NLGN1: variants seen among roughly 807,000 people sequenced by gnomAD.
NLGN1 encodes neuroligin 1, also known as neuroligin-1.
Under a neutral mutation model 65.5 loss-of-function variants are expected in NLGN1, and 12 were observed. The ratio of observed to expected loss-of-function variants is 0.18; its 90% confidence interval spans 0.12 to 0.30. The LOEUF (loss-of-function observed/expected upper bound fraction) is 0.30, where lower values mean the gene tolerates loss of function less well. Ranked by LOEUF, NLGN1 falls within the 10% of genes least tolerant of loss-of-function variation. The probability of loss-of-function intolerance (pLI) is 1.00; values close to 1 mark genes in which losing one functional copy is unlikely to be tolerated. For missense variants in NLGN1, 750 were observed against 1,007.1 expected, an observed-to-expected ratio of 0.74 and a Z score of 3.46; for synonymous variants, 350 against 359.5, an observed-to-expected ratio of 0.97 and a Z score of 0.30.
At chr3:173,875,128 T>G (rs1246790855) in intron 4 of NLGN1, among the ~76,000 whole-genome samples, 1 of 152,224 alleles carries the variant, frequency 6.6e-6, no homozygotes, top group Non-Finnish European at 1.5e-5. Flanking sequence ...TCACTTCCTG[T>G]CAGACTTTGC....
chr3:173,548,770 T>A (rs1041050128), intron 2 of NLGN1, among the ~76,000 whole-genome samples: 1 of 151,874 alleles, frequency 6.6e-6, no homozygotes, highest in Non-Finnish European at 1.5e-5. Context: ...TATATATTTA[T>A]ATATATGAAA....
In NLGN1 at chr3:174,115,627, G is replaced by A. The variant is rs536295965; in HGVS notation, c.647-159688G>A. Among the ~76,000 whole-genome samples, 5 of 152,260 alleles carry A rather than the reference G, an allele frequency of 3.3e-5. No homozygotes were observed. In the South Asian group the frequency reaches 1.0e-3, roughly 32 times the overall value. ...ACCCAGAAATAAAAGGTACAAATGA[G>A]GCTGGGAAGAGGTGACAAGGGAGAG... is the stretch of plus-strand genomic sequence containing the variant. On this transcript the variant is annotated intron_variant, in intron 4 of 6. Transcript: ENST00000457714.
chr3:173,700,636 T>G (rs1766989424), intron 3 of NLGN1, among the ~76,000 whole-genome samples: 1 of 152,224 alleles, frequency 6.6e-6, no homozygotes, highest in Admixed American at 6.5e-5. Flanking sequence ...GGCAGAAACC[T>G]GCATTTGTGT....
At chr3:174,066,785 T>G (rs372542660) in intron 4 of NLGN1, among the ~76,000 whole-genome samples, 50 of 152,222 alleles carry the variant, frequency 3.3e-4, no homozygotes, top group Middle Eastern at 6.8e-3. Context: ...TAAATCTAAA[T>G]GACTTGTTAA....
At chr3:173,561,185 AC>A in intron 2 of NLGN1, among the ~76,000 whole-genome samples, 1 of 152,334 alleles carries the variant, frequency 6.6e-6, no homozygotes, top group African/African-American at 2.4e-5. Flanking sequence ...AGCCTTCCAG[AC>A]TTTCAGTTTA....
At chr3:173,739,897 G>T (rs1295828363) in intron 3 of NLGN1, among the ~76,000 whole-genome samples, 1 of 152,072 alleles carries the variant, frequency 6.6e-6, no homozygotes, top group Admixed American at 6.6e-5. Context: ...CTTTCATTCT[G>T]AGTTGATGGA....
chr3:173,907,672 C>A (rs1167514167), intron 4 of NLGN1, among the ~76,000 whole-genome samples: 1 of 150,200 alleles, frequency 6.7e-6, no homozygotes, highest in Admixed American at 6.7e-5. Context: ...GAAACCTCTG[C>A]CTCCCAGGTT....
chr3:173,990,458 T>G (rs1042430378), intron 4 of NLGN1, among the ~76,000 whole-genome samples: 5 of 152,206 alleles, frequency 3.3e-5, no homozygotes, highest in African/African-American at 9.6e-5. Context: ...TATTTGAAAT[T>G]TTTTGCAAAT....
chr3:173,726,220 C>G (rs1182896324), intron 3 of NLGN1, among the ~76,000 whole-genome samples: 2 of 151,548 alleles, frequency 1.3e-5, no homozygotes, highest in Non-Finnish European at 2.9e-5. Context: ...TCCTTCTTAT[C>G]CAAGGTATTC....
At chr3:174,108,194 G>A (rs1714386467) in intron 4 of NLGN1, among the ~76,000 whole-genome samples, 1 of 151,784 alleles carries the variant, frequency 6.6e-6, no homozygotes, top group South Asian at 2.1e-4. Context: ...ACCTTTAGTA[G>A]TATGTCTAAG....
chr3:173,847,499 T>C (rs1174600171), intron 4 of NLGN1, among the ~76,000 whole-genome samples: 1 of 152,232 alleles, frequency 6.6e-6, no homozygotes, highest in East Asian at 1.9e-4. Flanking sequence ...AATGTAGCTT[T>C]AAAGACTGGC....
chr3:173,621,832 A>C (rs1325557281), intron 3 of NLGN1, among the ~76,000 whole-genome samples: 1 of 152,004 alleles, frequency 6.6e-6, no homozygotes, highest in Non-Finnish European at 1.5e-5. Flanking sequence ...TTCCAAATCT[A>C]CTCTGAGGAT....
chr3:174,150,062 G>T (rs758427199), intron 4 of NLGN1, among the ~76,000 whole-genome samples: 4 of 151,962 alleles, frequency 2.6e-5, no homozygotes, highest in Non-Finnish European at 5.9e-5. Flanking sequence ...GTCCTTATAC[G>T]CTATAATTGG....
intron 4 of NLGN1, among the ~76,000 whole-genome samples, chr3:173,841,683 T>C (rs1724805132): frequency 6.6e-6 from 1 of 152,008 alleles, no homozygotes; most frequent in Non-Finnish European, 1.5e-5. Flanking sequence ...GGTAGAAACT[T>C]TGAGAAAACT....
intron 1 of NLGN1, among the ~76,000 whole-genome samples, chr3:173,398,868 G>T (rs1307118071): frequency 6.6e-6 from 1 of 152,104 alleles, no homozygotes; most frequent in Non-Finnish European, 1.5e-5. Context: ...GAAAATTACA[G>T]GGTCTTAATG....
intron 2 of NLGN1, among the ~76,000 whole-genome samples, chr3:173,478,834 T>C (rs1254483047): frequency 2.0e-5 from 3 of 151,118 alleles, no homozygotes; most frequent in Non-Finnish European, 4.4e-5. Context: ...TGCAGTGAGC[T>C]GAGATTGAGA....
At chr3:173,745,123 A>G (rs990290474) in intron 3 of NLGN1, among the ~76,000 whole-genome samples, 1 of 152,076 alleles carries the variant, frequency 6.6e-6, no homozygotes, top group Admixed American at 6.6e-5. Flanking sequence ...TGTTTTCATC[A>G]TCTATTGTGA....
exon 7 of NLGN1, chr3:174,285,001 C>T (rs565635017): frequency 4.0e-5 from 6 of 151,296 alleles, no homozygotes; most frequent in South Asian, 2.1e-4. Flanking sequence ...GAGTGAAGTG[C>T]TGAAACTAAA....
intron 4 of NLGN1, among the ~76,000 whole-genome samples, chr3:173,823,372 G>A (rs986342116): frequency 2.0e-5 from 3 of 151,896 alleles, no homozygotes; most frequent in African/African-American, 2.4e-5. Context: ...TCTTTATTTC[G>A]TTCAAACTAA....
Sources: gnomAD v4.1 joint callset for allele counts (sites outside exome capture counted in the v4.1 genomes callset) on GRCh38, gnomAD v4.1.1 for gene constraint, MANE v1.5 for transcripts, NCBI Gene and HGNC (gene_info 2026-07-23, HGNC 2026-07-21) for gene names.